Variants in ROBO2 observed in about 807,000 individuals in gnomAD.
The protein encoded by ROBO2 is roundabout homolog 2.
A neutral mutation model predicts 160.8 loss-of-function variants in ROBO2; 53 were observed. That is an observed-to-expected ratio of 0.33 (90% CI 0.26 to 0.41). The LOEUF (loss-of-function observed/expected upper bound fraction) is 0.41, where lower values mean the gene tolerates loss of function less well. Ranked by LOEUF, ROBO2 falls within the 10% of genes least tolerant of loss-of-function variation. The probability of loss-of-function intolerance (pLI) is 1.00; values close to 1 mark genes in which losing one functional copy is unlikely to be tolerated. For synonymous variants in ROBO2, 664 were observed against 611.7 expected (o/e 1.09, Z -1.26); for missense variants, 1,577 against 1,722.4 (o/e 0.92, Z 1.49).
chr3:77,620,092 G>A (rs888432788), intron 22 of ROBO2, among the ~76,000 whole-genome samples: 118 of 152,134 alleles, frequency 7.8e-4, no homozygotes, highest in African/African-American at 2.8e-3. Context: ...TACCCATAGA[G>A]GACACCCTGT....
chr3:77,045,361 A>G (rs2064538314), intron 1 of ROBO2, among the ~76,000 whole-genome samples: 1 of 152,140 alleles, frequency 6.6e-6, no homozygotes, highest in African/African-American at 2.4e-5. Context: ...ATCTAATCAC[A>G]TGAGGTTTAA....
intron 2 of ROBO2, among the ~76,000 whole-genome samples, chr3:76,759,549 G>A (rs1321776866): frequency 2.0e-5 from 3 of 151,446 alleles, no homozygotes; most frequent in Admixed American, 6.6e-5. Context: ...TTGGATCTCC[G>A]GAAAAGTGAG....
At position 77,504,602 on chromosome 3, in the gene ROBO2, A is replaced by G. The variant is rs568678006; in HGVS notation, c.806+11220A>G. Among the ~76,000 whole-genome samples, 19 of 152,346 alleles carry G rather than the reference A, an allele frequency of 1.2e-4. No individual in the cohort carries two copies. In the South Asian group the frequency reaches 3.9e-3, roughly 32 times the overall value. On this transcript the variant is annotated intron_variant, in intron 5 of 25. Transcript: ENST00000461745. Reference sequence around the variant, plus strand: ...AAATGCTTTTGTCTTCATTATGAACATAATTTATAGTAAGACATATATATA... The same window carrying G: ...AAATGCTTTTGTCTTCATTATGAACGTAATTTATAGTAAGACATATATATA...
At chr3:77,087,886 G>A (rs1349262986) in intron 1 of ROBO2, among the ~76,000 whole-genome samples, 1 of 151,560 alleles carries the variant, frequency 6.6e-6, no homozygotes, top group African/African-American at 2.4e-5. Flanking sequence ...ACATACATAA[G>A]AATATATATA....
chr3:76,284,417 C>A (rs1332579525), intron 2 of ROBO2, among the ~76,000 whole-genome samples: 1 of 151,140 alleles, frequency 6.6e-6, no homozygotes, highest in African/African-American at 2.4e-5. Context: ...TAAAAAAAAT[C>A]TGAGATAAAC....
intron 2 of ROBO2, among the ~76,000 whole-genome samples, chr3:76,935,671 T>A (rs2077652001): frequency 1.3e-5 from 2 of 152,154 alleles, no homozygotes; most frequent in Non-Finnish European, 2.9e-5. Flanking sequence ...TGACTACCAC[T>A]TTCAGATTCA....
chr3:76,547,191 T>G (rs894942563), intron 2 of ROBO2, among the ~76,000 whole-genome samples: 1 of 152,060 alleles, frequency 6.6e-6, no homozygotes. Flanking sequence ...ATGTTTTTAA[T>G]AGCAAATTCT....
intron 2 of ROBO2, among the ~76,000 whole-genome samples, chr3:76,972,638 C>T (rs1009487457): frequency 2.0e-5 from 3 of 151,988 alleles, no homozygotes; most frequent in Admixed American, 6.6e-5. Flanking sequence ...TGGAGGACTG[C>T]GTGAACCTAG....
At chr3:76,220,821 T>C (rs1000529051) in intron 2 of ROBO2, among the ~76,000 whole-genome samples, 1 of 152,232 alleles carries the variant, frequency 6.6e-6, no homozygotes, top group Non-Finnish European at 1.5e-5. Flanking sequence ...TCCTTAGTTC[T>C]ATAACTAGTC....
At chr3:76,297,458 A>G (rs1366581768) in intron 2 of ROBO2, among the ~76,000 whole-genome samples, 2 of 152,176 alleles carry the variant, frequency 1.3e-5, no homozygotes, top group African/African-American at 4.8e-5. Context: ...AATTGTTATC[A>G]TGTAGAAATT....
At chr3:76,980,252 C>A (rs1406435442) in intron 2 of ROBO2, among the ~76,000 whole-genome samples, 1 of 152,138 alleles carries the variant, frequency 6.6e-6, no homozygotes, top group Non-Finnish European at 1.5e-5. Context: ...GGCGGTTAAA[C>A]CACAATGGGC....
intron 2 of ROBO2, among the ~76,000 whole-genome samples, chr3:77,113,963 G>T (rs1022230966): frequency 1.3e-5 from 2 of 152,226 alleles, no homozygotes; most frequent in Non-Finnish European, 2.9e-5. Flanking sequence ...TGGAAACTGA[G>T]TCCTGGAGGA....
intron 2 of ROBO2, among the ~76,000 whole-genome samples, chr3:76,340,157 C>A (rs1049118975): frequency 6.6e-6 from 1 of 150,826 alleles, no homozygotes; most frequent in East Asian, 1.9e-4. Context: ...TAGTTAATTG[C>A]ACAACACTGA....
At chr3:77,132,684 CT>C (rs2150362265) in intron 2 of ROBO2, among the ~76,000 whole-genome samples, 1 of 150,344 alleles carries the variant, frequency 6.7e-6, no homozygotes, top group African/African-American at 2.4e-5. Flanking sequence ...CACTACATCT[CT>C]TTTGGCCACT....
chr3:76,595,055 A>G (rs571935376), intron 2 of ROBO2, among the ~76,000 whole-genome samples: 1 of 152,106 alleles, frequency 6.6e-6, no homozygotes, highest in South Asian at 2.1e-4. Context: ...GAGAAAGATG[A>G]GGATACATGG....
rs367706993 is a variant in ROBO2, at chr3:76,014,066, C to T, written c.109+76464C>T. Among the ~76,000 whole-genome samples the T allele has an allele frequency of 1.9e-4, 22 of 112,924 alleles. No individual in the cohort carries two copies. The East Asian group carries it at 2.0e-3, about 10-fold the overall frequency. The allele number at this position is 112,924 out of a possible 152,430, so 74.1% of individuals were successfully genotyped here. On this transcript the variant is annotated intron_variant, in intron 2 of 26. Coordinates refer to the ROBO2 transcript ENST00000487694. The stretch of plus-strand genomic sequence containing the variant: ...GGCAATTGGTGGCTGGGTACAGTGG[C>T]TTATGCGTGTAATCCCAGAAGTAAT...
At position 76,194,353 on chromosome 3, in the gene ROBO2, A is replaced by ATATATATATATATAT. The variant is rs1553672736; in HGVS notation, c.109+256751_109+256752insTATATATATATATAT. ...TCTATATAAATATGTATGGTGTGTA[A>ATATATATATATATAT]ATATATATATATATATATATATATA... On this transcript the variant is annotated intron_variant, in intron 2 of 26. Transcript: ENST00000487694. Among the ~76,000 whole-genome samples, 96 of 94,510 alleles carry ATATATATATATATAT rather than the reference A, an allele frequency of 1.0e-3. 5 individuals are homozygous for ATATATATATATATAT. The highest frequency in any genetic ancestry group is 1.3e-3 in the South Asian group (4 of 2,982). 62.0% of individuals were successfully genotyped at this position (94,510 alleles called of 152,430 possible). A position where few individuals can be genotyped will look rare whatever the true frequency, so the allele number is the denominator to read the frequency against.
At chr3:75,942,604 A>T (rs2107092932) in intron 2 of ROBO2, among the ~76,000 whole-genome samples, 1 of 152,218 alleles carries the variant, frequency 6.6e-6, no homozygotes, top group Non-Finnish European at 1.5e-5. Context: ...CAACACATAA[A>T]ACCCACATGA....
At chr3:77,460,801 G>T (rs1340254511) in intron 2 of ROBO2, among the ~76,000 whole-genome samples, 1 of 152,060 alleles carries the variant, frequency 6.6e-6, no homozygotes, top group African/African-American at 2.4e-5. Flanking sequence ...GAAACATGGA[G>T]TTATTATATC....
Sources: gnomAD v4.1 joint callset for allele counts (sites outside exome capture counted in the v4.1 genomes callset) on GRCh38, gnomAD v4.1.1 for gene constraint, MANE v1.5 for transcripts, NCBI Gene and HGNC (gene_info 2026-07-23, HGNC 2026-07-21) for gene names.